The following NEURL1 variants were observed in gnomAD, a reference collection of about 807,000 sequenced individuals.
NEURL1 encodes neuralized E3 ubiquitin protein ligase 1.
A neutral mutation model predicts 41.2 loss-of-function variants in NEURL1; 26 were observed. That is an observed-to-expected ratio of 0.63 (90% CI 0.46 to 0.87). NEURL1 has a LOEUF of 0.87. Ranked by LOEUF, NEURL1 falls within the 40% of genes least tolerant of loss-of-function variation. NEURL1 has a pLI of 0.00. For missense variants in NEURL1, 761 were observed against 871.1 expected, an observed-to-expected ratio of 0.87 and a Z score of 1.59; for synonymous variants, 400 against 402.3, an observed-to-expected ratio of 0.99 and a Z score of 0.07.
chr10:103,511,211 G>A (rs2034061178), intron 1 of NEURL1, among the ~76,000 whole-genome samples: 1 of 152,210 alleles, frequency 6.6e-6, no homozygotes, highest in Non-Finnish European at 1.5e-5. Context: ...GGAAACTCAG[G>A]CACTTGAGAA....
intron 1 of NEURL1, among the ~76,000 whole-genome samples, chr10:103,565,226 A>G (rs1205717703): frequency 6.6e-6 from 1 of 152,184 alleles, no homozygotes; most frequent in Non-Finnish European, 1.5e-5. Flanking sequence ...AGGAGCCCAC[A>G]GTCCATGGCA....
At chr10:103,512,031 C>CTTCA (rs905737475) in intron 1 of NEURL1, 10 of 152,168 alleles carry the variant, frequency 6.6e-5, no homozygotes, top group Non-Finnish European at 8.8e-5. Context: ...GGAACCATTG[C>CTTCA]TTCATTCATT....
intron 3 of NEURL1, among the ~76,000 whole-genome samples, chr10:103,572,116 C>A (rs1191876570): frequency 6.6e-6 from 1 of 152,230 alleles, no homozygotes; most frequent in Non-Finnish European, 1.5e-5. Flanking sequence ...AAGACCACCA[C>A]CCCAGGAAGT....
At chr10:103,516,061 C>A (rs2034197342) in intron 1 of NEURL1, among the ~76,000 whole-genome samples, 1 of 151,600 alleles carries the variant, frequency 6.6e-6, no homozygotes, top group South Asian at 2.1e-4. Flanking sequence ...AACACCATTT[C>A]TACAAAAATA....
intron 3 of NEURL1, among the ~76,000 whole-genome samples, chr10:103,574,130 T>C (rs1356054842): frequency 5.9e-5 from 9 of 152,176 alleles, no homozygotes; most frequent in African/African-American, 2.2e-4. Context: ...GGAGGGCAGA[T>C]GCGTTGTTAG....
chr10:103,569,712 C>T (rs980434056), intron 1 of NEURL1, among the ~76,000 whole-genome samples: 3 of 152,240 alleles, frequency 2.0e-5, no homozygotes, highest in Admixed American at 6.5e-5. Flanking sequence ...AAAGCTCTTG[C>T]GCTGCCCAGC....
chr10:103,496,507 G>T (rs2033689298), intron 1 of NEURL1, among the ~76,000 whole-genome samples: 1 of 152,174 alleles, frequency 6.6e-6, no homozygotes, highest in African/African-American at 2.4e-5. Flanking sequence ...TCTGGGTATA[G>T]GATCATATGG....
chr10:103,568,247 A>G (rs568749151), intron 1 of NEURL1, among the ~76,000 whole-genome samples: 15 of 151,996 alleles, frequency 9.9e-5, no homozygotes, highest in African/African-American at 3.6e-4. Flanking sequence ...TCAACCCCCT[A>G]CCCAACACTG....
At chr10:103,564,442 C>A (rs147854512) in intron 1 of NEURL1, among the ~76,000 whole-genome samples, 68 of 152,310 alleles carry the variant, frequency 4.5e-4, no homozygotes, top group Admixed American at 1.2e-3. Context: ...CACGCCCCCC[C>A]CATTTTGAGG....
At chr10:103,584,461 G>C in intron 3 of NEURL1, 75 bp from the exon 4 acceptor site, 1 of 990,806 alleles carries the variant, frequency 1.0e-6, no homozygotes, top group Non-Finnish European at 1.3e-6. Flanking sequence ...TGCGCGCGTA[G>C]GGACCGGACA....
intron 1 of NEURL1, chr10:103,555,381 T>TG (rs1353378278): frequency 7.4e-7 from 1 of 1,358,198 alleles, no homozygotes; most frequent in Admixed American, 1.9e-5. Flanking sequence ...TCGCCGGAGA[T>TG]GGGGGGACAG....
chr10:103,516,884 TCC>T (rs1478900489), intron 1 of NEURL1, among the ~76,000 whole-genome samples: 20 of 136,996 alleles, frequency 1.5e-4, no homozygotes, highest in African/African-American at 5.0e-4. Flanking sequence ...CCTCCCTCCC[TCC>T]CTCTCTTCCT....
At chr10:103,588,996 G>A (rs957265244) in intron 4 of NEURL1, 8 of 436,850 alleles carry the variant, frequency 1.8e-5, no homozygotes, top group African/African-American at 1.5e-4. Flanking sequence ...AGGAAGGAGG[G>A]GAGGAGAGAA....
intron 1 of NEURL1, among the ~76,000 whole-genome samples, chr10:103,497,059 C>T (rs1425717377): frequency 6.6e-6 from 1 of 152,190 alleles, no homozygotes; most frequent in Admixed American, 6.5e-5. Flanking sequence ...CCCATGAAGG[C>T]CGCCAGTTGT....
rs2036042760 is a variant in NEURL1, at chr10:103,591,389, TTTAA to T, written c.*1024_*1027del. 1 of 152,370 alleles carries T rather than the reference TTTAA, an allele frequency of 6.6e-6. No individual in the cohort carries two copies. The highest frequency in any genetic ancestry group is 2.4e-5 in the African/African-American group (1 of 41,544). 9.4% of individuals were successfully genotyped at this position (152,370 alleles called of 1,614,324 possible). On this transcript the variant is annotated 3_prime_UTR_variant, in exon 6 of 6. Coordinates refer to ENST00000369780, the MANE Select transcript of NEURL1 (RefSeq NM_004210.5). Reference sequence around the variant, plus strand: ...GGCCAAGACCAGCCTTTTTCCTCAGTTTAATTAATTTATTTATTTGGTTTGTGGT... The same window carrying T: ...GGCCAAGACCAGCCTTTTTCCTCAGTTTAATTTATTTATTTGGTTTGTGGT...
intron 1 of NEURL1, among the ~76,000 whole-genome samples, chr10:103,548,458 G>T (rs2034968371): frequency 6.6e-6 from 1 of 152,144 alleles, no homozygotes; most frequent in Admixed American, 6.5e-5. Flanking sequence ...GAGCAGCTGG[G>T]ATTACAGGGG....
intron 5 of NEURL1, 89 bp from the exon 6 acceptor site, chr10:103,590,045 G>T: frequency 8.0e-7 from 1 of 1,252,838 alleles, no homozygotes; most frequent in Non-Finnish European, 1.1e-6. Context: ...AAATGGAGGG[G>T]GACACAAGAG....
At chr10:103,554,479 T>C (rs1027776866) in intron 1 of NEURL1, among the ~76,000 whole-genome samples, 4 of 152,076 alleles carry the variant, frequency 2.6e-5, no homozygotes, top group African/African-American at 9.7e-5. Context: ...TGTGTGTGTA[T>C]GTGCATGGTT....
chr10:103,564,740 C>A (rs1307292672), intron 1 of NEURL1, among the ~76,000 whole-genome samples: 3 of 152,218 alleles, frequency 2.0e-5, no homozygotes, highest in Non-Finnish European at 4.4e-5. Context: ...CTGGGAGGGA[C>A]CCTGTTACAT....
Sources: gnomAD v4.1 joint callset for allele counts (sites outside exome capture counted in the v4.1 genomes callset) on GRCh38, gnomAD v4.1.1 for gene constraint, MANE v1.5 for transcripts, NCBI Gene and HGNC (gene_info 2026-07-23, HGNC 2026-07-21) for gene names.